Variants in PKD1L1 observed in about 807,000 individuals in gnomAD.
PKD1L1 encodes polycystin-1-like protein 1.
A neutral mutation model predicts 323.4 loss-of-function variants in PKD1L1; 236 were observed. That is an observed-to-expected ratio of 0.73 (90% CI 0.66 to 0.81). The LOEUF (loss-of-function observed/expected upper bound fraction) is 0.81, where lower values mean the gene tolerates loss of function less well. Among genes scored for constraint, PKD1L1 ranks in the 40% least tolerant of loss-of-function variants. The pLI is 0.00. For missense variants in PKD1L1, 3,320 were observed against 3,508.0 expected, an observed-to-expected ratio of 0.95 and a Z score of 1.35; for synonymous variants, 1,344 against 1,335.0, an observed-to-expected ratio of 1.01 and a Z score of -0.15.
chr7:47,796,195 TA>T, intron 54 of PKD1L1, 45 bp from the exon 55 acceptor site: 2 of 1,458,204 alleles, frequency 1.4e-6, no homozygotes, highest in Non-Finnish European at 9.3e-7. Flanking sequence ...GTTAGCAGCC[TA>T]AATAAAGAGC....
At chr7:47,913,604 CCT>C (rs1054584930) in intron 8 of PKD1L1, among the ~76,000 whole-genome samples, 7 of 152,084 alleles carry the variant, frequency 4.6e-5, no homozygotes, top group Non-Finnish European at 8.8e-5. Context: ...CACCTCCCCC[CCT>C]CTTGCTCCTA....
chr7:47,936,794 T>C, intron 4 of PKD1L1, 52 bp downstream of exon 4: 1 of 1,358,062 alleles, frequency 7.4e-7, no homozygotes, highest in Non-Finnish European at 1.0e-6. Flanking sequence ...GTAAGTTCCA[T>C]GTCATTTGCA....
At chr7:47,835,889 G>GCTTGC (rs976942895) in intron 37 of PKD1L1, among the ~76,000 whole-genome samples, 4 of 152,134 alleles carry the variant, frequency 2.6e-5, no homozygotes, top group Non-Finnish European at 5.9e-5. Flanking sequence ...TTGAACAAAT[G>GCTTGC]CTTGCCGAGC....
chr7:47,940,628 G>C (rs2128758288), intron 2 of PKD1L1, among the ~76,000 whole-genome samples: 1 of 152,332 alleles, frequency 6.6e-6, no homozygotes, highest in South Asian at 2.1e-4. Context: ...AAAATAATGA[G>C]GGTCAAAGGT....
intron 11 of PKD1L1, among the ~76,000 whole-genome samples, chr7:47,904,847 AG>A (rs1787169176): frequency 6.6e-6 from 1 of 152,190 alleles, no homozygotes; most frequent in Non-Finnish European, 1.5e-5. Flanking sequence ...TCAAAGCAGT[AG>A]GGGTAAGCAT....
At chr7:47,874,053 G>A (rs974489651) in intron 23 of PKD1L1, 43 bp from the exon 24 acceptor site, 2 of 1,263,704 alleles carry the variant, frequency 1.6e-6, no homozygotes, top group Non-Finnish European at 2.3e-6. Flanking sequence ...TGGACATGTG[G>A]GTTACAGAGA....
the PKD1L1 span, among the ~76,000 whole-genome samples, chr7:47,956,415 G>A: frequency 1.3e-5 from 2 of 152,170 alleles, no homozygotes; most frequent in African/African-American, 4.8e-5. Context: ...AAGAATGGGG[G>A]TGGGGCTCAC....
Position 47,840,550 on chromosome 7 carries a change from A to C in PKD1L1, c.5463T>G (p.Cys1821Trp). Residue 1821 changes from cysteine (C) to tryptophan (W), a missense_variant, in exon 35 of 57, where the codon TGT (cysteine) becomes TGG (tryptophan). By Grantham distance (215) the Cys-to-Trp change is radical. Transcript: ENST00000289672. The surrounding 1 kb of genome is among the most constrained non-coding windows in gnomAD (Gnocchi z 4.1). The stretch of plus-strand genomic sequence containing the variant: ...TGGTTTCTGACAGTCCATTGTCGCC[A>C]CATAAAACAATGTACACCTCAAAAC... Reference protein sequence around the residue: ...RLTSKVYIVLCGDNGLSETKE... With the variant: ...RLTSKVYIVLWGDNGLSETKE... 1 of 1,613,980 alleles carries C rather than the reference A, an allele frequency of 6.2e-7. No homozygotes were observed. Among genetic ancestry groups the C allele is most frequent in the African/African-American group, 1.3e-5 (1 of 75,062 alleles).
At chr7:47,910,757 A>C (rs1220953038) in intron 8 of PKD1L1, among the ~76,000 whole-genome samples, 1 of 147,638 alleles carries the variant, frequency 6.8e-6, no homozygotes, top group Non-Finnish European at 1.5e-5. Flanking sequence ...CCTGGATTCA[A>C]GCGATTCTCC....
chr7:47,945,959 G>A (rs559144646), intron 1 of PKD1L1, among the ~76,000 whole-genome samples: 1 of 152,314 alleles, frequency 6.6e-6, no homozygotes, highest in South Asian at 2.1e-4. Context: ...ACTCACAGAG[G>A]CGCCAAGGAT....
chr7:47,808,534 C>T (rs1784829659), intron 51 of PKD1L1, 147 bp from the exon 52 acceptor site: 2 of 975,244 alleles, frequency 2.1e-6, no homozygotes, highest in Admixed American at 2.4e-5. Flanking sequence ...GTGATTTTGT[C>T]CTTGGGGGAA....
intron 7 of PKD1L1, among the ~76,000 whole-genome samples, chr7:47,922,165 C>T (rs1380356736): frequency 3.3e-5 from 5 of 152,356 alleles, no homozygotes; most frequent in East Asian, 1.9e-4. Flanking sequence ...CTACCAGCCT[C>T]GGCCTCCCGA....
At chr7:47,900,294 G>A (rs1787057098) in intron 13 of PKD1L1, among the ~76,000 whole-genome samples, 1 of 152,192 alleles carries the variant, frequency 6.6e-6, no homozygotes, top group Non-Finnish European at 1.5e-5. Flanking sequence ...CATGTGAGCT[G>A]CTACAAAAAC....
chr7:47,846,751 T>C (rs1041431013), intron 32 of PKD1L1, 128 bp downstream of exon 32: 4 of 853,656 alleles, frequency 4.7e-6, no homozygotes, highest in South Asian at 2.0e-5. Context: ...TGGAGAGTTG[T>C]ACAAACCAAG....
Position 47,835,200 on chromosome 7 carries a change from C to T in PKD1L1, c.5987G>A (p.Gly1996Asp). 6.3e-7 allele frequency: 1 copy of T among 1,590,118 alleles called. No homozygotes were observed. The highest frequency in any genetic ancestry group is 8.5e-7 in the Non-Finnish European group (1 of 1,173,782). ...VSPTLGSFRV[G>D]LLCTLLASPG... ...AGAAGCCAGGAGGGTACACAGGAGA[C>T]CCACCCTGAAGGATCCAAGGGTGGG... Residue 1996 changes from glycine to aspartate, a missense_variant, in exon 38 of 57, where the codon GGT becomes GAT. By Grantham distance (94) the Gly-to-Asp change is moderately conservative (BLOSUM62 -1). Transcript: ENST00000289672.
rs1187969921 is a variant in PKD1L1 at position 47,908,066 on chromosome 7, A to G, written c.1402+11T>C. 8 of 1,612,500 alleles carry G rather than the reference A, an allele frequency of 5.0e-6. No individual in the cohort carries two copies. The highest frequency in any genetic ancestry group is 6.8e-6 in the Non-Finnish European group (8 of 1,179,540). ...AAGTGTGCTTGCTCAGACTCCAGAC[A>G]TACGTCTTACTTTTCTGATTCACTT... is the stretch of plus-strand genomic sequence containing the variant. On this transcript the variant is annotated intron_variant, in intron 9 of 56. Coordinates refer to ENST00000289672, the MANE Select transcript of PKD1L1 (RefSeq NM_138295.5).
At chr7:47,940,346 T>C (rs1787960052) in intron 2 of PKD1L1, 29 bp from the exon 3 acceptor site, 1 of 1,603,330 alleles carries the variant, frequency 6.2e-7, no homozygotes, top group Non-Finnish European at 8.5e-7. Context: ...GCAAACATTC[T>C]GAAGACTGCA....
chr7:47,918,545 TC>T (rs748600591), intron 7 of PKD1L1, among the ~76,000 whole-genome samples: 4 of 151,816 alleles, frequency 2.6e-5, no homozygotes, highest in Non-Finnish European at 5.9e-5. Context: ...GAACATTCCA[TC>T]CAACATACGC....
Position 47,843,028 on chromosome 7 carries a change from C to T in PKD1L1, c.5379G>A (p.Pro1793=), listed in dbSNP as rs752517738. 2.4e-5 allele frequency: 39 copies of T among 1,613,828 alleles called. No individual in the cohort carries two copies. Among genetic ancestry groups the T allele is most frequent in the South Asian group, 8.8e-5 (8 of 91,062 alleles). The change falls in exon 34 of 57, where the codon CCG becomes CCA. Residue 1793 remains proline, a synonymous_variant. Transcript: ENST00000289672. ...TGACGACCGCATATAGCTGATGGCCCGGCAGGGAAGCTTCTTGCAGAAAGA... is the reference window on the plus strand; with the variant it reads ...TGACGACCGCATATAGCTGATGGCCTGGCAGGGAAGCTTCTTGCAGAAAGA... ...GYIFLQEASL[P]GHQLYAVVID... is the part of the protein sequence containing the mutation.
Sources: allele counts gnomAD v4.1 joint callset (sites outside exome capture counted in the v4.1 genomes callset), GRCh38; gene constraint gnomAD v4.1.1; non-coding constraint Gnocchi (gnomAD v3.1); transcripts MANE v1.5; gene names NCBI Gene and HGNC (gene_info 2026-07-23, HGNC 2026-07-21).